Variants in TFDP2 observed in about 807,000 individuals in gnomAD.
TFDP2 encodes the protein transcription factor Dp-2, also known as transcription factor Dp-2 (E2F dimerization partner 2).
TFDP2 carries 17 observed loss-of-function variants against 59.3 expected under a neutral mutation model. The ratio of observed to expected loss-of-function variants is 0.29; its 90% CI spans 0.20 to 0.43. The LOEUF is 0.43. TFDP2 is among the 20% of genes least tolerant of loss of function. The pLI, the probability that TFDP2 is intolerant of heterozygous loss-of-function variation, is 1.00. For synonymous variants in TFDP2, 180 were observed against 194.7 expected (o/e 0.92, Z 0.63); for missense variants, 391 against 528.8 (o/e 0.74, Z 2.56).
chr3:142,102,869 A>G (rs527465658), intron 1 of TFDP2, among the ~76,000 whole-genome samples: 5 of 152,340 alleles, frequency 3.3e-5, no homozygotes, highest in Non-Finnish European at 2.9e-5. Context: ...CTACAAAATA[A>G]TGGCCTGAAT....
rs1428418571 is a variant in TFDP2, at chr3:141,949,537, T to C, written c.*2976A>G. The C allele has an allele frequency of 1.3e-5, 2 of 152,348 alleles. No individual in the cohort carries two copies. Among genetic ancestry groups the C allele is most frequent in the Non-Finnish European group, 2.9e-5 (2 of 68,152 alleles). The allele number at this position is 152,348 out of a possible 1,614,324, so 9.4% of individuals were successfully genotyped here. A position where few individuals can be genotyped will look rare whatever the true frequency, so the allele number is the denominator to read the frequency against. The stretch of plus-strand genomic sequence containing the variant: ...GGCACCTGGGGCCCGTAAGCGCTGC[T>C]GTGTGCCTAGGCAGCACCGCCCTAC... On this transcript the variant is annotated 3_prime_UTR_variant, in exon 13 of 13. Coordinates refer to ENST00000489671, the MANE Select transcript of TFDP2 (RefSeq NM_001178139.2).
chr3:142,008,326 T>C (rs1288406249), intron 3 of TFDP2, among the ~76,000 whole-genome samples: 1 of 151,982 alleles, frequency 6.6e-6, no homozygotes, highest in Non-Finnish European at 1.5e-5. Flanking sequence ...GGCAAAACTG[T>C]TCTGAACACT....
At chr3:142,097,470 T>G (rs1162146647) in intron 2 of TFDP2, among the ~76,000 whole-genome samples, 1 of 152,088 alleles carries the variant, frequency 6.6e-6, no homozygotes, top group Non-Finnish European at 1.5e-5. Flanking sequence ...GCAGGAAGAT[T>G]GCTTGAGCCC....
At chr3:142,015,163 A>C (rs1443760825) in intron 3 of TFDP2, among the ~76,000 whole-genome samples, 2 of 152,036 alleles carry the variant, frequency 1.3e-5, no homozygotes, top group Non-Finnish European at 2.9e-5. Context: ...CTTCTCTCTA[A>C]ACATTTGGGA....
At chr3:142,038,300 CG>C (rs1395820708) in intron 3 of TFDP2, among the ~76,000 whole-genome samples, 1 of 143,916 alleles carries the variant, frequency 6.9e-6, no homozygotes, top group African/African-American at 2.6e-5. Flanking sequence ...AAGAGAATGG[CG>C]TGAACCCGGG....
intron 1 of TFDP2, among the ~76,000 whole-genome samples, chr3:142,106,654 C>T (rs2108658893): frequency 6.6e-6 from 1 of 152,286 alleles, no homozygotes; most frequent in East Asian, 1.9e-4. Flanking sequence ...CACACTTCTT[C>T]CTGTCACCAA....
intron 3 of TFDP2, among the ~76,000 whole-genome samples, chr3:142,039,097 T>C (rs1946832928): frequency 6.6e-6 from 1 of 152,214 alleles, no homozygotes; most frequent in Non-Finnish European, 1.5e-5. Context: ...AATGCTAGTA[T>C]TAACAAAAAC....
intron 3 of TFDP2, among the ~76,000 whole-genome samples, chr3:142,018,006 G>A (rs760798544): frequency 6.7e-6 from 1 of 150,374 alleles, no homozygotes; most frequent in African/African-American, 2.4e-5. Context: ...GCAGTGGCAC[G>A]ATCTTGGTTT....
intron 11 of TFDP2, among the ~76,000 whole-genome samples, chr3:141,954,202 C>G (rs928248915): frequency 6.6e-6 from 1 of 152,032 alleles, no homozygotes; most frequent in African/African-American, 2.4e-5. Context: ...TTTTGGATAT[C>G]TCCTTGCCAT....
intron 1 of TFDP2, among the ~76,000 whole-genome samples, chr3:142,116,417 A>G (rs1349326066): frequency 5.9e-5 from 9 of 152,202 alleles, no homozygotes; most frequent in Admixed American, 5.9e-4. Flanking sequence ...AGAGGGAAGA[A>G]GGCAGTTTCC....
chr3:141,967,288 G>GT lies in TFDP2; in HGVS notation c.732+2784dup, dbSNP rs200530270. On this transcript the variant is annotated intron_variant, in intron 9 of 12. Coordinates refer to ENST00000489671, the MANE Select transcript of TFDP2 (RefSeq NM_001178139.2). ...AAACTGAAATGCTAGGAGGAAATAA[G>GT]TTTTTTGTTTTTTTTTTTTTTGAGA... Among the ~76,000 whole-genome samples, 117 of 145,380 alleles carry GT rather than the reference G, an allele frequency of 8.0e-4. 1 individual carries two copies. Among genetic ancestry groups the GT allele is most frequent in the East Asian group, 3.0e-3 (14 of 4,716 alleles).
intron 3 of TFDP2, among the ~76,000 whole-genome samples, chr3:142,010,425 A>G (rs1944567603): frequency 6.6e-6 from 1 of 152,144 alleles, no homozygotes; most frequent in Admixed American, 6.5e-5. Context: ...CTTGGCCAAC[A>G]TGGTGAAATT....
intron 6 of TFDP2, 101 bp downstream of exon 6, chr3:141,993,437 T>A: frequency 1.5e-6 from 1 of 677,564 alleles, no homozygotes; most frequent in Non-Finnish European, 2.5e-6. Context: ...AAGTTAAAGT[T>A]ACATGAAGAA....
At chr3:142,134,348 CA>C (rs71878913) in intron 1 of TFDP2, among the ~76,000 whole-genome samples, 63,139 of 126,374 alleles carry the variant, frequency 0.5, 15,455 homozygotes, top group African/African-American at 0.72. Flanking sequence ...GACCCCATCT[CA>C]AAAAAAAAAA....
chr3:142,050,164 G>A (rs1300891741), intron 3 of TFDP2, among the ~76,000 whole-genome samples: 3 of 151,776 alleles, frequency 2.0e-5, no homozygotes, highest in African/African-American at 4.8e-5. Context: ...CTACTCGGGA[G>A]GCTGAGGCAG....
chr3:142,085,501 T>A (rs1386612419), intron 3 of TFDP2, among the ~76,000 whole-genome samples: 2 of 152,108 alleles, frequency 1.3e-5, no homozygotes, highest in Admixed American at 6.5e-5. Context: ...TAAAAAATAA[T>A]AAAAGAAAAT....
chr3:142,012,047 C>T (rs1260166288), intron 3 of TFDP2, among the ~76,000 whole-genome samples: 1 of 145,116 alleles, frequency 6.9e-6, no homozygotes, highest in African/African-American at 2.6e-5. Context: ...GAGTCTCGCT[C>T]TGTCACCCAG....
intron 8 of TFDP2, among the ~76,000 whole-genome samples, chr3:141,972,163 G>C (rs1263089058): frequency 6.6e-6 from 1 of 152,140 alleles, no homozygotes; most frequent in Non-Finnish European, 1.5e-5. Flanking sequence ...GTGGCGTTCT[G>C]CATTTGAAAA....
At chr3:142,130,910 A>C (rs1260556871) in intron 1 of TFDP2, among the ~76,000 whole-genome samples, 1 of 150,476 alleles carries the variant, frequency 6.6e-6, no homozygotes, top group Non-Finnish European at 1.5e-5. Context: ...AAAATTAGCC[A>C]AATGTGGTGG....
Sources: allele counts gnomAD v4.1 joint callset (sites outside exome capture counted in the v4.1 genomes callset), GRCh38; gene constraint gnomAD v4.1.1; transcripts MANE v1.5; gene names NCBI Gene and HGNC (gene_info 2026-07-23, HGNC 2026-07-21).